The following MAD1L1 variants were observed in gnomAD, a reference collection of about 807,000 sequenced individuals.
The protein encoded by MAD1L1 is mitotic spindle assembly checkpoint protein MAD1.
In MAD1L1, 95 loss-of-function variants were observed where a neutral mutation model predicts 96.9. The observed-to-expected ratio is 0.98, with a 90% confidence interval of 0.83 to 1.16. The LOEUF (loss-of-function observed/expected upper bound fraction) is 1.16. Ranked by LOEUF, MAD1L1 falls within the 50% of genes most tolerant of loss-of-function variation. The probability of loss-of-function intolerance (pLI) is 0.00; values close to 1 mark genes in which losing one functional copy is unlikely to be tolerated. For missense variants in MAD1L1, 1,007 were observed against 954.4 expected (o/e 1.06, Z -0.73); for synonymous variants, 473 against 396.6 (o/e 1.19, Z -2.29).
In MAD1L1 at chr7:2,207,989, G is replaced by A. The variant is rs568874565; in HGVS notation, c.986+5223C>T. Among the ~76,000 whole-genome samples, 30 of 152,274 alleles carry A rather than the reference G, an allele frequency of 2.0e-4. No individual in the cohort carries two copies. In the East Asian group the frequency reaches 5.4e-3, roughly 27 times the overall value. On this transcript the variant is annotated intron_variant, in intron 10 of 18. Transcript: ENST00000265854. ...TGACCCCTGGAGAACTGCTTGGTGT[G>A]GGGGAAACCTTCCAGTATCTGGTGT...
intron 18 of MAD1L1, chr7:1,846,768 A>C: frequency 5.9e-6 from 1 of 170,934 alleles, no homozygotes; most frequent in Non-Finnish European, 1.3e-5. Context: ...TCCCCCTCAT[A>C]GGAGCCAAGG....
intron 11 of MAD1L1, among the ~76,000 whole-genome samples, chr7:2,092,375 C>G (rs1442757780): frequency 3.9e-5 from 6 of 152,224 alleles, no homozygotes; most frequent in Non-Finnish European, 8.8e-5. Context: ...CCTCCCACCT[C>G]AGCCTCCTAA....
rs757077560 is a variant in MAD1L1, at chr7:1,816,058, C to T, written c.*12G>A. The T allele has an allele frequency of 1.9e-5, 30 of 1,601,694 alleles. No individual in the cohort carries two copies. The highest frequency in any genetic ancestry group is 4.5e-5 in the East Asian group (2 of 44,664). Reference sequence around the variant, plus strand: ...AGCAGAGTGGCTCCGGCTATGCCCCCGAGCCTGCAGGCTACGCCACGGTCT... The same window carrying T: ...AGCAGAGTGGCTCCGGCTATGCCCCTGAGCCTGCAGGCTACGCCACGGTCT... On this transcript the variant is annotated 3_prime_UTR_variant, in exon 19 of 19. Coordinates refer to ENST00000265854, the MANE Select transcript of MAD1L1 (RefSeq NM_001013836.2).
chr7:1,995,215 C>CG (rs1319800066), intron 14 of MAD1L1, among the ~76,000 whole-genome samples: 1 of 152,150 alleles, frequency 6.6e-6, no homozygotes, highest in African/African-American at 2.4e-5. Flanking sequence ...GGAGAAGCCT[C>CG]GGGGGGCACC....
At chr7:1,917,739 C>T (rs1788502636) in intron 17 of MAD1L1, among the ~76,000 whole-genome samples, 1 of 152,184 alleles carries the variant, frequency 6.6e-6, no homozygotes, top group Non-Finnish European at 1.5e-5. Flanking sequence ...GGCTGGCACA[C>T]GCTGCCCGGG....
chr7:2,161,189 C>T (rs1790099981), intron 10 of MAD1L1, among the ~76,000 whole-genome samples: 1 of 66,976 alleles, frequency 1.5e-5, no homozygotes, highest in South Asian at 5.4e-4. Flanking sequence ...GCCATCTCGA[C>T]TCACTGCAAC....
At chr7:2,207,817 C>T (rs531250544) in intron 10 of MAD1L1, among the ~76,000 whole-genome samples, 5 of 152,210 alleles carry the variant, frequency 3.3e-5, no homozygotes, top group South Asian at 4.1e-4. Context: ...AGAAGAAAAC[C>T]GTAAAATGAA....
At chr7:2,093,072 C>CAAA (rs200308243) in intron 11 of MAD1L1, among the ~76,000 whole-genome samples, 5 of 141,304 alleles carry the variant, frequency 3.5e-5, no homozygotes, top group South Asian at 4.4e-4. Context: ...CCCGTCTCTA[C>CAAA]AAAAAAAAAA....
intron 10 of MAD1L1, among the ~76,000 whole-genome samples, chr7:2,204,611 C>A (rs1236803069): frequency 6.6e-6 from 1 of 152,178 alleles, no homozygotes; most frequent in African/African-American, 2.4e-5. Context: ...CAAGAGAGAC[C>A]CTTTCATGTT....
intron 12 of MAD1L1, among the ~76,000 whole-genome samples, chr7:2,065,078 G>A (rs970954110): frequency 6.6e-6 from 1 of 152,378 alleles, no homozygotes; most frequent in East Asian, 1.9e-4. Context: ...TCTCAAGGGA[G>A]GACAGAGGCT....
intron 10 of MAD1L1, among the ~76,000 whole-genome samples, chr7:2,199,000 C>G (rs73041325): frequency 6.6e-6 from 1 of 152,218 alleles, no homozygotes; most frequent in East Asian, 1.9e-4. Context: ...TGGGATCCCC[C>G]CTTCACAGTC....
At chr7:2,094,346 G>A (rs1273371535) in intron 11 of MAD1L1, among the ~76,000 whole-genome samples, 10 of 152,186 alleles carry the variant, frequency 6.6e-5, no homozygotes, top group African/African-American at 4.8e-5. Flanking sequence ...CCACACTCTC[G>A]ACAGAGGATG....
chr7:1,854,061 C>T (rs900499138), intron 18 of MAD1L1, among the ~76,000 whole-genome samples: 3 of 152,192 alleles, frequency 2.0e-5, no homozygotes, highest in Admixed American at 6.5e-5. Context: ...ATTACCAGCT[C>T]GATCACGGGC....
At chr7:2,043,243 C>T (rs1012799562) in intron 12 of MAD1L1, among the ~76,000 whole-genome samples, 1 of 152,144 alleles carries the variant, frequency 6.6e-6, no homozygotes, top group African/African-American at 2.4e-5. Flanking sequence ...CGCCCCTGTC[C>T]CATCGGAGGG....
chr7:2,218,506 C>T (rs1325483189), intron 6 of MAD1L1, among the ~76,000 whole-genome samples: 1 of 152,206 alleles, frequency 6.6e-6, no homozygotes. Flanking sequence ...CTCCTGACTG[C>T]ACCTCCAGAC....
At chr7:1,902,635 G>A (rs141824428) in intron 17 of MAD1L1, among the ~76,000 whole-genome samples, 157 of 152,156 alleles carry the variant, frequency 1.0e-3, no homozygotes, top group Middle Eastern at 6.8e-3. Context: ...CTATACCCAC[G>A]CAGAACCAGG....
At chr7:2,144,362 C>T (rs1454732416) in intron 11 of MAD1L1, among the ~76,000 whole-genome samples, 2 of 152,332 alleles carry the variant, frequency 1.3e-5, no homozygotes, top group Non-Finnish European at 2.9e-5. Context: ...ACACCTGAAC[C>T]CTGGAGCCCT....
At chr7:1,822,442 A>ATATATATATATAT (rs768089526) in intron 18 of MAD1L1, among the ~76,000 whole-genome samples, 32 of 140,586 alleles carry the variant, frequency 2.3e-4, no homozygotes, top group African/African-American at 4.7e-4. Context: ...ATATATATAT[A>ATATATATATATAT]TTTTTTTTTT....
In MAD1L1 at chr7:2,119,793, C is replaced by A. The variant is rs1194028411; in HGVS notation, c.1073+29359G>T. Among the ~76,000 whole-genome samples the A allele has an allele frequency of 6.6e-6, 1 of 152,202 alleles. No homozygotes were observed. The highest frequency in any genetic ancestry group is 2.4e-5 in the African/African-American group (1 of 41,438). Reference sequence around the variant, plus strand: ...ACAGCTCACACAGATGGCAGCCACACACGTCCCACGACAACTGTTCCAGAC... The same window carrying A: ...ACAGCTCACACAGATGGCAGCCACAAACGTCCCACGACAACTGTTCCAGAC... On this transcript the variant is annotated intron_variant, in intron 11 of 18. Transcript: ENST00000265854. This position sits in a 1 kb window ranked among gnomAD's most constrained non-coding sequence, Gnocchi z 4.6.
Sources: gnomAD v4.1 joint callset for allele counts (sites outside exome capture counted in the v4.1 genomes callset) on GRCh38, gnomAD v4.1.1 for gene constraint, Gnocchi (gnomAD v3.1) non-coding constraint, MANE v1.5 for transcripts, NCBI Gene and HGNC (gene_info 2026-07-23, HGNC 2026-07-21) for gene names.